The following SLCO1A2 variants were observed in gnomAD, a reference collection of about 807,000 sequenced individuals.
The protein encoded by SLCO1A2 is OATP-1.
In SLCO1A2, 67 loss-of-function variants were observed where a neutral mutation model predicts 69.0. The ratio of observed to expected loss-of-function variants is 0.97; its 90% CI spans 0.80 to 1.19. The LOEUF (loss-of-function observed/expected upper bound fraction) is 1.19, where lower values mean the gene tolerates loss of function less well. SLCO1A2 is among the 50% of genes most tolerant of loss of function. The probability of loss-of-function intolerance (pLI) is 0.00; values close to 1 mark genes in which losing one functional copy is unlikely to be tolerated. For missense variants in SLCO1A2, 787 were observed against 793.7 expected, an observed-to-expected ratio of 0.99 and a Z score of 0.10; for synonymous variants, 260 against 265.9, an observed-to-expected ratio of 0.98 and a Z score of 0.22.
At chr12:21,402,974 G>A (rs914548277) in intron 1 of SLCO1A2, among the ~76,000 whole-genome samples, 2 of 151,990 alleles carry the variant, frequency 1.3e-5, no homozygotes, top group East Asian at 3.9e-4. Flanking sequence ...GTATGTTATA[G>A]ACAACTAATG....
At chr12:21,402,873 C>T (rs1941751824) in intron 1 of SLCO1A2, among the ~76,000 whole-genome samples, 1 of 152,052 alleles carries the variant, frequency 6.6e-6, no homozygotes, top group South Asian at 2.1e-4. Flanking sequence ...TCTTCTGTTA[C>T]TTAGCTTTGA....
chr12:21,355,511 G>A (rs1022738890), intron 2 of SLCO1A2, among the ~76,000 whole-genome samples: 3 of 152,116 alleles, frequency 2.0e-5, no homozygotes. Flanking sequence ...CTAGGATCTG[G>A]GAGACCTAAA....
At chr12:21,292,569 T>C (rs972075611) in intron 11 of SLCO1A2, among the ~76,000 whole-genome samples, 1 of 152,106 alleles carries the variant, frequency 6.6e-6, no homozygotes, top group Non-Finnish European at 1.5e-5. Context: ...TAAGTTACCC[T>C]AAAGACACAC....
chr12:21,419,585 G>A (rs371540308), upstream of SLCO1A2: 90 of 161,958 alleles, frequency 5.6e-4, no homozygotes, highest in East Asian at 0.011. Context: ...ACGGAGTCTC[G>A]CTGATTGCTA....
intron 14 of SLCO1A2, chr12:21,274,097 C>T (rs1277197214): frequency 6.4e-6 from 1 of 155,324 alleles, no homozygotes; most frequent in Non-Finnish European, 1.4e-5. Flanking sequence ...AGTGAGGCTT[C>T]AGACTCGTGA....
At chr12:21,299,211 A>T (rs1948197160) in intron 8 of SLCO1A2, among the ~76,000 whole-genome samples, 1 of 152,126 alleles carries the variant, frequency 6.6e-6, no homozygotes, top group African/African-American at 2.4e-5. Context: ...CAGAACTTTC[A>T]GGCATCAATC....
At chr12:21,340,850 C>A (rs1339787026) in intron 2 of SLCO1A2, among the ~76,000 whole-genome samples, 1 of 151,844 alleles carries the variant, frequency 6.6e-6, no homozygotes, top group Non-Finnish European at 1.5e-5. Flanking sequence ...GATGAAGAGG[C>A]AGCTAAAGGG....
intron 8 of SLCO1A2, among the ~76,000 whole-genome samples, chr12:21,299,867 C>T (rs1208631993): frequency 4.7e-5 from 5 of 105,450 alleles, no homozygotes; most frequent in East Asian, 2.6e-4. Flanking sequence ...TATATATATA[C>T]GTGTGTGTAT....
chr12:21,410,490 T>C (rs900709055), intron 1 of SLCO1A2, among the ~76,000 whole-genome samples: 1 of 152,206 alleles, frequency 6.6e-6, no homozygotes, highest in African/African-American at 2.4e-5. Flanking sequence ...TAGAATAGTA[T>C]ACTGGGCAAA....
At chr12:21,291,255 A>C (rs1199375381) in intron 12 of SLCO1A2, among the ~76,000 whole-genome samples, 1 of 152,186 alleles carries the variant, frequency 6.6e-6, no homozygotes, top group African/African-American at 2.4e-5. Context: ...AACAAGACTT[A>C]ACACCACACC....
Position 21,308,699 on chromosome 12 carries a change from AAC to A in SLCO1A2, c.336-1713_336-1712del, listed in dbSNP as rs1336312707. On this transcript the variant is annotated intron_variant, in intron 4 of 14. Transcript: ENST00000683939. ...GTAGCTAAGCTTCTACCTCCCAAGG[AAC>A]AGATTGAAGAATTCCTGTCTAGGAT... Among the ~76,000 whole-genome samples the A allele has an allele frequency of 2.4e-4, 37 of 152,352 alleles. 1 individual carries two copies. The highest frequency in any genetic ancestry group is 7.9e-4 in the African/African-American group (33 of 41,584).
At chr12:21,313,550 A>G (rs539085447) in intron 4 of SLCO1A2, among the ~76,000 whole-genome samples, 3 of 152,212 alleles carry the variant, frequency 2.0e-5, no homozygotes, top group Non-Finnish European at 2.9e-5. Context: ...CATCTCTACT[A>G]AAAATACAAA....
At chr12:21,283,081 A>G (rs1276108771) in intron 12 of SLCO1A2, among the ~76,000 whole-genome samples, 2 of 152,188 alleles carry the variant, frequency 1.3e-5, no homozygotes, top group Non-Finnish European at 2.9e-5. Context: ...TAATCCTAAT[A>G]TGGAACCACA....
At chr12:21,301,122 G>T in intron 7 of SLCO1A2, 49 bp downstream of exon 7, 1 of 1,153,222 alleles carries the variant, frequency 8.7e-7, no homozygotes, top group Non-Finnish European at 1.2e-6. Flanking sequence ...ACATACCTGA[G>T]ATGCTTTGTA....
chr12:21,413,242 T>TTTTTC (rs543221315), intron 1 of SLCO1A2, among the ~76,000 whole-genome samples: 9 of 127,244 alleles, frequency 7.1e-5, no homozygotes, highest in Admixed American at 2.3e-4. Flanking sequence ...TTTTTCTTTT[T>TTTTTC]TTTTTTTTTT....
chr12:21,342,297 A>C lies in SLCO1A2; in HGVS notation c.-62-7588T>G, dbSNP rs139477592. ...TCCACTGCTTCAAGACCTATTTTTG[A>C]AAAAAGAGTAATAGGATGGAGAATT... On this transcript the variant is annotated intron_variant, in intron 2 of 15. Transcript: ENST00000307378. Among the ~76,000 whole-genome samples, 226 of 151,360 alleles carry C rather than the reference A, an allele frequency of 1.5e-3. 1 individual carries two copies. Among genetic ancestry groups the C allele is most frequent in the African/African-American group, 5.4e-3 (219 of 40,836 alleles).
chr12:21,377,309 G>A (rs1940271577), intron 1 of SLCO1A2, among the ~76,000 whole-genome samples: 1 of 152,094 alleles, frequency 6.6e-6, no homozygotes, highest in Non-Finnish European at 1.5e-5. Context: ...ACCTGAACAG[G>A]TGATAGATTT....
At chr12:21,274,087 A>G (rs78777060) in intron 14 of SLCO1A2, 2,606 of 154,844 alleles carry the variant, frequency 0.017, 75 homozygotes, top group African/African-American at 0.058. Context: ...GGTGAGAGGA[A>G]GTGAGGCTTC....
chr12:21,280,678 C>CAAAAAA (rs71444113), intron 12 of SLCO1A2, among the ~76,000 whole-genome samples: 2 of 129,352 alleles, frequency 1.5e-5, no homozygotes, highest in South Asian at 2.4e-4. Context: ...TCTTCCAGAC[C>CAAAAAA]AAAAAAAAAA....
Sources: allele counts gnomAD v4.1 joint callset (sites outside exome capture counted in the v4.1 genomes callset), GRCh38; gene constraint gnomAD v4.1.1; transcripts MANE v1.5; gene names NCBI Gene and HGNC (gene_info 2026-07-23, HGNC 2026-07-21).